The following TRIM44 variants were observed in gnomAD, a reference collection of about 807,000 sequenced individuals.
TRIM44 encodes tripartite motif containing 44, also known as tripartite motif-containing protein 44.
Under a neutral mutation model 37.4 loss-of-function variants are expected in TRIM44, and 13 were observed. The ratio of observed to expected loss-of-function variants is 0.35; its 90% confidence interval spans 0.23 to 0.55. The LOEUF is 0.55. Among genes scored for constraint, TRIM44 ranks in the 20% least tolerant of loss-of-function variants. The probability of loss-of-function intolerance (pLI) is 0.89; values close to 1 mark genes in which losing one functional copy is unlikely to be tolerated. For missense variants in TRIM44, 426 were observed against 437.2 expected (o/e 0.97, Z 0.23); for synonymous variants, 175 against 157.2 (o/e 1.11, Z -0.85).
intron 4 of TRIM44, among the ~76,000 whole-genome samples, chr11:35,754,948 A>G (rs572558973): frequency 6.6e-6 from 1 of 152,208 alleles, no homozygotes; most frequent in African/African-American, 2.4e-5. Flanking sequence ...TATTGTGAAT[A>G]GTGCTGCAAT....
chr11:35,678,786 G>T (rs1031979340), intron 1 of TRIM44, among the ~76,000 whole-genome samples: 1 of 152,076 alleles, frequency 6.6e-6, no homozygotes, highest in Admixed American at 6.5e-5. Context: ...TTTTAGTAGA[G>T]ATAGGGTTTC....
At chr11:35,703,598 G>A (rs1370823139) in intron 2 of TRIM44, among the ~76,000 whole-genome samples, 5 of 152,300 alleles carry the variant, frequency 3.3e-5, no homozygotes, top group African/African-American at 1.2e-4. Flanking sequence ...AGCATTCGCG[G>A]TTCACAAAAA....
intron 4 of TRIM44, among the ~76,000 whole-genome samples, chr11:35,778,826 A>G (rs1212398778): frequency 1.2e-4 from 18 of 152,140 alleles, no homozygotes; most frequent in Admixed American, 1.1e-3. Flanking sequence ...TCAGAGGGGC[A>G]CCTGGCTGTA....
intron 2 of TRIM44, among the ~76,000 whole-genome samples, chr11:35,705,367 A>G (rs1851865108): frequency 6.6e-6 from 1 of 152,224 alleles, no homozygotes; most frequent in Admixed American, 6.5e-5. Context: ...ACAGAAAGTT[A>G]GCAAGGATAC....
rs534573468 is a variant in TRIM44 at position 35,663,408 on chromosome 11, T to G, written c.297T>G (p.Ser99Arg). 1.3e-6 allele frequency: 2 copies of G among 1,584,798 alleles called. No individual in the cohort carries two copies. The highest frequency in any genetic ancestry group is 1.4e-5 in the African/African-American group (1 of 72,760). ...REIESEAGEE[S>R]ESEEESESEE... is the part of the protein sequence containing the mutation. ...TAGAAAGCGAGGCAGGGGAAGAGAG[T>G]GAGTCGGAGGAAGAGAGCGAGTCAG... The change falls in exon 1 of 5, where the codon AGT becomes AGG. Residue 99 changes from serine (S) to arginine (R), a missense_variant. By Grantham distance (110) the Ser-to-Arg change is moderately radical. Coordinates refer to ENST00000299413, the MANE Select transcript of TRIM44 (RefSeq NM_017583.6).
At chr11:35,702,534 G>A (rs900733626) in intron 2 of TRIM44, among the ~76,000 whole-genome samples, 3 of 152,196 alleles carry the variant, frequency 2.0e-5, no homozygotes, top group Non-Finnish European at 4.4e-5. Flanking sequence ...TGTGACTCAA[G>A]CACTCACAGC....
At chr11:35,668,500 A>G (rs1305993087) in intron 1 of TRIM44, among the ~76,000 whole-genome samples, 1 of 152,252 alleles carries the variant, frequency 6.6e-6, no homozygotes, top group Non-Finnish European at 1.5e-5. Context: ...TTTGCTGAGG[A>G]TAATGGCTTC....
intron 1 of TRIM44, among the ~76,000 whole-genome samples, chr11:35,678,848 CT>C (rs1342413421): frequency 3.3e-5 from 5 of 152,164 alleles, no homozygotes; most frequent in African/African-American, 1.2e-4. Context: ...GATCCACCCA[CT>C]TTGGCCTCCC....
intron 4 of TRIM44, among the ~76,000 whole-genome samples, chr11:35,758,526 A>G (rs1422369217): frequency 2.0e-5 from 3 of 152,088 alleles, no homozygotes; most frequent in Admixed American, 1.3e-4. Flanking sequence ...TTATGTGTGA[A>G]TTTGATCCTG....
In TRIM44 at chr11:35,663,269, T is replaced by C. The variant is rs774661636; in HGVS notation, c.158T>C (p.Leu53Pro). 2 of 1,612,604 alleles carry C rather than the reference T, an allele frequency of 1.2e-6. No individual in the cohort carries two copies. The highest frequency in any genetic ancestry group is 1.3e-5 in the African/African-American group (1 of 74,870). The change falls in exon 1 of 5, where the codon CTC becomes CCC. Residue 53 changes from leucine to proline, a missense_variant. Transcript: ENST00000299413. ...RHAEAHRQKF[L>P]SHHLAEYVHG... is the part of the protein sequence containing the mutation. ...GCCGAGGCGCACAGGCAGAAGTTCC[T>C]CAGTCACCATCTGGCCGAATACGTC...
chr11:35,695,225 G>A (rs1851682000), intron 2 of TRIM44, among the ~76,000 whole-genome samples: 1 of 152,028 alleles, frequency 6.6e-6, no homozygotes, highest in Non-Finnish European at 1.5e-5. Context: ...GGAAGGACAA[G>A]GTGCCCATCC....
intron 2 of TRIM44, among the ~76,000 whole-genome samples, chr11:35,694,512 A>G (rs773786350): frequency 4.1e-4 from 63 of 152,112 alleles, no homozygotes; most frequent in Non-Finnish European, 8.1e-4. Flanking sequence ...TCACAAATAA[A>G]AGTATACCCT....
At chr11:35,736,119 T>C (rs887345082) in intron 4 of TRIM44, among the ~76,000 whole-genome samples, 17 of 152,144 alleles carry the variant, frequency 1.1e-4, no homozygotes, top group African/African-American at 4.1e-4. Flanking sequence ...TGAGGAATAT[T>C]TGTACAAAGT....
intron 4 of TRIM44, among the ~76,000 whole-genome samples, chr11:35,761,405 C>CTA (rs1554935236): frequency 0.55 from 82,698 of 150,128 alleles, 23,079 homozygotes; most frequent in Middle Eastern, 0.61. Flanking sequence ...CTCTCTCTCT[C>CTA]TATATATATA....
intron 3 of TRIM44, among the ~76,000 whole-genome samples, chr11:35,729,686 G>T (rs557087263): frequency 4.6e-5 from 7 of 152,302 alleles, no homozygotes; most frequent in African/African-American, 1.4e-4. Flanking sequence ...GAATAGCACT[G>T]TAGAGGCTTT....
intron 2 of TRIM44, among the ~76,000 whole-genome samples, chr11:35,723,082 C>T (rs988796228): frequency 6.6e-6 from 1 of 151,688 alleles, no homozygotes; most frequent in Admixed American, 6.6e-5. Context: ...CTCCCTCCCT[C>T]GTCTCTCTCT....
intron 1 of TRIM44, among the ~76,000 whole-genome samples, chr11:35,667,597 T>C (rs1424556162): frequency 1.3e-5 from 2 of 152,172 alleles, no homozygotes; most frequent in African/African-American, 2.4e-5. Flanking sequence ...GGTCTTGAAC[T>C]CCTAGCCTCA....
intron 4 of TRIM44, among the ~76,000 whole-genome samples, chr11:35,767,084 G>A (rs961484577): frequency 2.8e-4 from 43 of 152,172 alleles, no homozygotes; most frequent in African/African-American, 1.0e-3. Flanking sequence ...CTGTCATCAA[G>A]CATGTGAAGT....
At chr11:35,794,204 A>G (rs1454956268) in intron 4 of TRIM44, among the ~76,000 whole-genome samples, 2 of 152,150 alleles carry the variant, frequency 1.3e-5, no homozygotes, top group African/African-American at 2.4e-5. Context: ...GAGGGGAGCC[A>G]TGAATTAAGT....
Sources: gnomAD v4.1 joint callset for allele counts (sites outside exome capture counted in the v4.1 genomes callset) on GRCh38, gnomAD v4.1.1 for gene constraint, MANE v1.5 for transcripts, NCBI Gene and HGNC (gene_info 2026-07-23, HGNC 2026-07-21) for gene names.